TAB2: variants seen among roughly 807,000 people sequenced by gnomAD.
TAB2 encodes TGF-beta-activated kinase 1 and MAP3K7-binding protein 2.
A neutral mutation model predicts 65.0 loss-of-function variants in TAB2; 3 were observed. The ratio of observed to expected loss-of-function variants is 0.05; its 90% CI spans 0.02 to 0.12. The LOEUF is 0.12. Ranked by LOEUF, TAB2 falls within the 10% of genes least tolerant of loss-of-function variation. The pLI, the probability that TAB2 is intolerant of heterozygous loss-of-function variation, is 1.00. For missense variants in TAB2, 623 were observed against 840.3 expected (o/e 0.74, Z 3.20); for synonymous variants, 298 against 285.1 (o/e 1.05, Z -0.46).
chr6:149,401,473 G>C (rs533877416), intron 6 of TAB2, among the ~76,000 whole-genome samples: 1 of 152,118 alleles, frequency 6.6e-6, no homozygotes, highest in South Asian at 2.1e-4. Flanking sequence ...AGATTATTAT[G>C]TAATGGTAAA....
intron 1 of TAB2, among the ~76,000 whole-genome samples, chr6:149,343,860 A>T (rs941467596): frequency 3.3e-5 from 5 of 152,228 alleles, no homozygotes; most frequent in African/African-American, 1.2e-4. Flanking sequence ...GAGTTTATTT[A>T]CTAAATGGGT....
At chr6:149,380,656 C>A (rs1781576205) in intron 3 of TAB2, among the ~76,000 whole-genome samples, 1 of 152,146 alleles carries the variant, frequency 6.6e-6, no homozygotes, top group Non-Finnish European at 1.5e-5. Context: ...TGTAGATGAA[C>A]TGAGCCTTTT....
intron 2 of TAB2, among the ~76,000 whole-genome samples, chr6:149,375,693 TTTAAC>T (rs1173600527): frequency 1.3e-5 from 2 of 152,146 alleles, no homozygotes; most frequent in Non-Finnish European, 2.9e-5. Context: ...TGGCAATAAA[TTTAAC>T]TTAAAGCAAA....
chr6:149,286,952 C>A (rs1167723140), intron 1 of TAB2, among the ~76,000 whole-genome samples: 1 of 151,976 alleles, frequency 6.6e-6, no homozygotes, highest in East Asian at 1.9e-4. Flanking sequence ...CCCGTTTCTA[C>A]TAAAAAATAA....
At chr6:149,408,479 G>C (rs945813642) in intron 6 of TAB2, among the ~76,000 whole-genome samples, 3 of 152,082 alleles carry the variant, frequency 2.0e-5, no homozygotes, top group African/African-American at 7.2e-5. Flanking sequence ...CATAAAATTT[G>C]ACTTCTGTAT....
rs796187760 is a variant in TAB2 at position 149,403,297 on chromosome 6, T to C, written c.1939+4113T>C. On this transcript the variant is annotated intron_variant, in intron 6 of 6. Transcript: ENST00000637181. Reference sequence around the variant, plus strand: ...ATATATATATATACACACACACACATATATATATATATATATACACACACA... The same window carrying C: ...ATATATATATATACACACACACACACATATATATATATATATACACACACA... Among the ~76,000 whole-genome samples, 375 of 54,944 alleles carry C rather than the reference T, an allele frequency of 6.8e-3. 7 individuals are homozygous for C. The highest frequency in any genetic ancestry group is 9.4e-3 in the Non-Finnish European group (271 of 28,780). 36.0% of individuals were successfully genotyped at this position (54,944 alleles called of 152,430 possible). A position where few individuals can be genotyped will look rare whatever the true frequency, so the allele number is the denominator to read the frequency against.
At chr6:149,319,404 A>T (rs1779363025) in intron 1 of TAB2, among the ~76,000 whole-genome samples, 1 of 152,240 alleles carries the variant, frequency 6.6e-6, no homozygotes. Flanking sequence ...GCAGTTTGTA[A>T]TAAAGGAAGA....
chr6:149,330,897 T>A (rs1779763113), intron 1 of TAB2, among the ~76,000 whole-genome samples: 1 of 152,176 alleles, frequency 6.6e-6, no homozygotes, highest in Admixed American at 6.5e-5. Context: ...TTTATTGAAT[T>A]GCTTTTGTAC....
chr6:149,251,754 T>C (rs1258981834), intron 1 of TAB2, among the ~76,000 whole-genome samples: 16 of 152,194 alleles, frequency 1.1e-4, no homozygotes, highest in Admixed American at 1.0e-3. Flanking sequence ...ATAACTTGTG[T>C]CCGATCCAAA....
intron 1 of TAB2, among the ~76,000 whole-genome samples, chr6:149,284,696 G>GAATAT (rs1200158124): frequency 1.6e-5 from 2 of 124,538 alleles, no homozygotes; most frequent in African/African-American, 2.9e-5. Flanking sequence ...ACACACACAA[G>GAATAT]AATATAAACA....
upstream of TAB2, among the ~76,000 whole-genome samples, chr6:149,315,392 G>A (rs1779231601): frequency 1.3e-5 from 2 of 152,238 alleles, no homozygotes; most frequent in Admixed American, 6.5e-5. Context: ...GTGTATGTGT[G>A]TATATGTATG....
At chr6:149,334,776 A>G (rs532008) in intron 1 of TAB2, among the ~76,000 whole-genome samples, 18,503 of 152,202 alleles carry the variant, frequency 0.12, 1,731 homozygotes, top group East Asian at 0.51. Context: ...GAACAAGGAC[A>G]TTGTGGTGGA....
At chr6:149,267,253 G>A (rs1369619010) in intron 1 of TAB2, among the ~76,000 whole-genome samples, 1 of 152,106 alleles carries the variant, frequency 6.6e-6, no homozygotes, top group African/African-American at 2.4e-5. Context: ...GGGCTGGTCT[G>A]CAAGGCAAAC....
At chr6:149,258,323 A>G (rs1238316185) in intron 1 of TAB2, among the ~76,000 whole-genome samples, 1 of 152,072 alleles carries the variant, frequency 6.6e-6, no homozygotes, top group Non-Finnish European at 1.5e-5. Context: ...ATTTCAAGTC[A>G]TTCAGTGATG....
chr6:149,298,171 A>G (rs1445984191), intron 1 of TAB2, among the ~76,000 whole-genome samples: 1 of 152,218 alleles, frequency 6.6e-6, no homozygotes, highest in Non-Finnish European at 1.5e-5. Context: ...TCAAAGCTAC[A>G]ATAGCATTTT....
chr6:149,363,993 C>T (rs1265018166), intron 1 of TAB2, among the ~76,000 whole-genome samples: 1 of 152,308 alleles, frequency 6.6e-6, no homozygotes, highest in African/African-American at 2.4e-5. Context: ...ACCTCCTTCG[C>T]TTTTGCCCCA....
intron 2 of TAB2, among the ~76,000 whole-genome samples, chr6:149,376,247 G>GT (rs1254934254): frequency 1.3e-5 from 2 of 152,048 alleles, no homozygotes; most frequent in African/African-American, 4.8e-5. Context: ...TTCATCTTAA[G>GT]TATCAATAGA....
At chr6:149,275,225 G>GGA (rs36042716) in intron 1 of TAB2, among the ~76,000 whole-genome samples, 61 of 97,470 alleles carry the variant, frequency 6.3e-4, no homozygotes, top group East Asian at 5.2e-3. Context: ...GGGGGAGGGG[G>GGA]GAGAGAGAGA....
intron 1 of TAB2, chr6:149,247,681 T>A (rs1056247631): frequency 6.6e-6 from 1 of 152,248 alleles, no homozygotes; most frequent in African/African-American, 2.4e-5. Context: ...GCAGCCACTC[T>A]GTTGGAGGGG....
Sources: allele counts gnomAD v4.1 joint callset (sites outside exome capture counted in the v4.1 genomes callset), GRCh38; gene constraint gnomAD v4.1.1; transcripts MANE v1.5; gene names NCBI Gene and HGNC (gene_info 2026-07-23, HGNC 2026-07-21).